The following ARL4A variants were observed in gnomAD, a reference collection of about 807,000 sequenced individuals.
The protein encoded by ARL4A is ADP-ribosylation factor-like protein 4A.
Under a neutral mutation model 13.9 loss-of-function variants are expected in ARL4A, and 5 were observed. That is an observed-to-expected ratio of 0.36 (90% CI 0.19 to 0.75). The LOEUF (loss-of-function observed/expected upper bound fraction) is 0.75. Ranked by LOEUF, ARL4A falls within the 30% of genes least tolerant of loss-of-function variation. ARL4A has a pLI of 0.53. For synonymous variants in ARL4A, 77 were observed against 84.4 expected (o/e 0.91, Z 0.48); for missense variants, 147 against 225.8 (o/e 0.65, Z 2.24).
Position 12,689,493 on chromosome 7 carries a change from C to G in ARL4A, c.*636C>G, listed in dbSNP as rs905333254. On this transcript the variant is annotated 3_prime_UTR_variant, in exon 2 of 2. Coordinates refer to ENST00000651779, the MANE Select transcript of ARL4A (RefSeq NM_005738.5). Reference sequence around the variant, plus strand: ...AAAAATAAGATATTTGGGGTATATTCAAGTGCATGGATTAGTTTTCCTGAC... The same window carrying G: ...AAAAATAAGATATTTGGGGTATATTGAAGTGCATGGATTAGTTTTCCTGAC... The G allele has an allele frequency of 1.8e-5, 3 of 167,018 alleles. No individual in the cohort carries two copies. The highest frequency in any genetic ancestry group is 7.2e-5 in the African/African-American group (3 of 41,418). 10.3% of individuals were successfully genotyped at this position (167,018 alleles called of 1,614,324 possible).
In ARL4A at chr7:12,688,652, C is replaced by A. The variant is rs760384928; in HGVS notation, c.398C>A (p.Ala133Asp). The change falls in exon 2 of 2, where the codon GCT becomes GAT. Residue 133 changes from alanine to aspartate, a missense_variant. Physicochemically the swap from Ala to Asp is moderately radical, Grantham distance 126 (BLOSUM62 -2). Transcript: ENST00000651779. This position sits in a 1 kb window ranked among gnomAD's most constrained non-coding sequence, Gnocchi z 5.2. Reference sequence around the variant, plus strand: ...CAGGGAGTCCCTGTACTTATAGTTGCTAACAAACAAGATTTGAGGAACTCA... The same window carrying A: ...CAGGGAGTCCCTGTACTTATAGTTGATAACAAACAAGATTTGAGGAACTCA... Reference protein sequence around the residue: ...ENQGVPVLIVANKQDLRNSLS... With the variant: ...ENQGVPVLIVDNKQDLRNSLS... 2 of 1,613,882 alleles carry A rather than the reference C, an allele frequency of 1.2e-6. No individual in the cohort carries two copies. The highest frequency in any genetic ancestry group is 3.3e-5 in the Admixed American group (2 of 60,008).
chr7:12,688,170 C>G lies in ARL4A; in HGVS notation c.-85C>G, dbSNP rs565661175. 1 of 1,498,228 alleles carries G rather than the reference C, an allele frequency of 6.7e-7. No homozygotes were observed. The highest frequency in any genetic ancestry group is 8.9e-7 in the Non-Finnish European group (1 of 1,119,330). The allele number at this position is 1,498,228 out of a possible 1,614,324, so 92.8% of individuals were successfully genotyped here. A position where few individuals can be genotyped will look rare whatever the true frequency, so the allele number is the denominator to read the frequency against. On this transcript the variant is annotated 5_prime_UTR_variant, in exon 2 of 2. Transcript: ENST00000651779. This position sits in a 1 kb window ranked among gnomAD's most constrained non-coding sequence, Gnocchi z 5.2. Reference sequence around the variant, plus strand: ...ATTCCTTCTTCCGTCTCCCAGCAGTCTTATAGCTGGATCAGCTACCAAGAG... The same window carrying G: ...ATTCCTTCTTCCGTCTCCCAGCAGTGTTATAGCTGGATCAGCTACCAAGAG...
chr7:12,688,060 G>C lies in ARL4A; in HGVS notation c.-89-106G>C, dbSNP rs1311877658. The C allele has an allele frequency of 4.2e-5, 30 of 711,208 alleles. No individual in the cohort carries two copies. The highest frequency in any genetic ancestry group is 8.0e-4 in the Middle Eastern group (2 of 2,490). The allele number at this position is 711,208 out of a possible 1,614,324, so 44.1% of individuals were successfully genotyped here. ...TATCTCGTCTGGTTTGTTTAGCGCA[G>C]CAAGTTATAGTAAGTTCTTCGTGTT... On this transcript the variant is annotated intron_variant, in intron 1 of 1. Transcript: ENST00000651779. This position sits in a 1 kb window ranked among gnomAD's most constrained non-coding sequence, Gnocchi z 5.2.
In ARL4A at chr7:12,688,732, A is replaced by G. The variant is rs2356696; in HGVS notation, c.478A>G (p.Thr160Ala). 1 of 1,613,776 alleles carries G rather than the reference A, an allele frequency of 6.2e-7. No homozygotes were observed. Among genetic ancestry groups the G allele is most frequent in the East Asian group, 2.2e-5 (1 of 44,886 alleles). The change falls in exon 2 of 2, where the codon ACT (threonine) becomes GCT (alanine). Residue 160 changes from threonine (T) to alanine (A), a missense_variant. Physicochemically the swap from Thr to Ala is moderately conservative, Grantham distance 58. Coordinates refer to ENST00000651779, the MANE Select transcript of ARL4A (RefSeq NM_005738.5). This position sits in a 1 kb window ranked among gnomAD's most constrained non-coding sequence, Gnocchi z 5.2. ...LLAMGELSSS[T>A]PWHLQPTCAI... ...AGCAATGGGTGAACTGAGCTCATCA[A>G]CTCCTTGGCATTTGCAGCCTACCTG...
In ARL4A at chr7:12,688,833, G is replaced by C. The variant is rs1362506238; in HGVS notation, c.579G>C (p.Leu193Phe). The C allele has an allele frequency of 3.2e-5, 51 of 1,606,430 alleles. No homozygotes were observed. Among genetic ancestry groups the C allele is most frequent in the Non-Finnish European group, 4.3e-5 (51 of 1,177,462 alleles). ...HDMIIKRRKMLRQQKKKR is the reference protein window; with the variant it reads ...HDMIIKRRKMFRQQKKKR The stretch of plus-strand genomic sequence containing the variant: ...TGATCATTAAAAGAAGAAAAATGTT[G>C]CGGCAACAGAAAAAGAAAAGATGAA... Residue 193 changes from leucine (L) to phenylalanine (F), a missense_variant, in exon 2 of 2, where the codon TTG becomes TTC. By Grantham distance (22) the Leu-to-Phe change is conservative. Coordinates refer to ENST00000651779, the MANE Select transcript of ARL4A (RefSeq NM_005738.5). The surrounding 1 kb of genome is among the most constrained non-coding windows in gnomAD (Gnocchi z 5.2).
Position 12,689,293 on chromosome 7 carries a change from A to G in ARL4A, c.*436A>G, listed in dbSNP as rs1356506025. 5.7e-6 allele frequency: 1 copy of G among 175,394 alleles called. No homozygotes were observed. The highest frequency in any genetic ancestry group is 1.4e-5 in the Non-Finnish European group (1 of 72,950). 10.9% of individuals were successfully genotyped at this position (175,394 alleles called of 1,614,324 possible). A position where few individuals can be genotyped will look rare whatever the true frequency, so the allele number is the denominator to read the frequency against. ...TGGAAATGTTAAGGTAGATTAACAT[A>G]TATGCAGTTATATTGATCACATTGG... On this transcript the variant is annotated 3_prime_UTR_variant, in exon 2 of 2. Transcript: ENST00000651779.
In ARL4A at chr7:12,690,016, A is replaced by C. The variant is rs1284011757; in HGVS notation, c.*1159A>C. The C allele has an allele frequency of 6.0e-6, 1 of 167,078 alleles. No homozygotes were observed. The highest frequency in any genetic ancestry group is 1.5e-5 in the Non-Finnish European group (1 of 68,126). 10.3% of individuals were successfully genotyped at this position (167,078 alleles called of 1,614,324 possible). On this transcript the variant is annotated 3_prime_UTR_variant, in exon 2 of 2. Coordinates refer to ENST00000651779, the MANE Select transcript of ARL4A (RefSeq NM_005738.5). ...CCAGTCCTGATTATAGAGAGGAAGAAATGGTAACAGTATGGCAGATAAGAA... is the reference window on the plus strand; with the variant it reads ...CCAGTCCTGATTATAGAGAGGAAGACATGGTAACAGTATGGCAGATAAGAA...
In ARL4A at chr7:12,688,232, G is replaced by C; in HGVS notation, c.-23G>C. ...CAAGAAGAGAAAAGCATTTCAATTT[G>C]GGACATTTATTTGCACCTGGAAATG... On this transcript the variant is annotated 5_prime_UTR_variant, in exon 2 of 2. Transcript: ENST00000651779. This position sits in a 1 kb window ranked among gnomAD's most constrained non-coding sequence, Gnocchi z 5.2. 3 of 1,536,616 alleles carry C rather than the reference G, an allele frequency of 2.0e-6. No individual in the cohort carries two copies. The highest frequency in any genetic ancestry group is 1.3e-5 in the South Asian group (1 of 77,390).
In ARL4A at chr7:12,688,329, T is replaced by G. The variant is rs1449744260; in HGVS notation, c.75T>G (p.Ile25Met). 3 of 1,613,584 alleles carry G rather than the reference T, an allele frequency of 1.9e-6. No individual in the cohort carries two copies. The highest frequency in any genetic ancestry group is 3.3e-5 in the Admixed American group (2 of 59,940). ...LPSFQSFHIV[I>M]LGLDCAGKTT... ...CATTTCAGTCTTTCCACATTGTTATTCTGGGTTTGGACTGTGCTGGAAAGA... is the reference window on the plus strand; with the variant it reads ...CATTTCAGTCTTTCCACATTGTTATGCTGGGTTTGGACTGTGCTGGAAAGA... Residue 25 changes from isoleucine (I) to methionine (M), a missense_variant, in exon 2 of 2, where the codon ATT (isoleucine) becomes ATG (methionine). Physicochemically the swap from Ile to Met is conservative, Grantham distance 10. Transcript: ENST00000651779. The surrounding 1 kb of genome is among the most constrained non-coding windows in gnomAD (Gnocchi z 5.2).
In ARL4A at chr7:12,688,146, T is replaced by C. The variant is rs1019526417; in HGVS notation, c.-89-20T>C. ...TGTATTATTTCGGGAGAATAACTTA[T>C]TCCTTCTTCCGTCTCCCAGCAGTCT... On this transcript the variant is annotated intron_variant, in intron 1 of 1. Coordinates refer to ENST00000651779, the MANE Select transcript of ARL4A (RefSeq NM_005738.5). This position sits in a 1 kb window ranked among gnomAD's most constrained non-coding sequence, Gnocchi z 5.2. 12 of 1,442,886 alleles carry C rather than the reference T, an allele frequency of 8.3e-6. No homozygotes were observed. In the East Asian group the frequency reaches 2.8e-4, roughly 33 times the overall value. 89.4% of individuals were successfully genotyped at this position (1,442,886 alleles called of 1,614,324 possible). A position where few individuals can be genotyped will look rare whatever the true frequency, so the allele number is the denominator to read the frequency against.
Position 12,690,900 on chromosome 7 carries a change from A to T in ARL4A, c.*2043A>T, listed in dbSNP as rs1420532429. ...TATTTCATGGACAACAAAAGAGAAA[A>T]TGGTATGAACACTGTACAAACTTTG... On this transcript the variant is annotated 3_prime_UTR_variant, in exon 2 of 2. Transcript: ENST00000651779. 6.0e-6 allele frequency: 1 copy of T among 166,546 alleles called. No individual in the cohort carries two copies. The highest frequency in any genetic ancestry group is 1.5e-5 in the Non-Finnish European group (1 of 68,124). 10.3% of individuals were successfully genotyped at this position (166,546 alleles called of 1,614,324 possible).
rs1332409217 is a variant in ARL4A, at chr7:12,688,456, A to G, written c.202A>G (p.Thr68Ala). The change falls in exon 2 of 2, where the codon ACA becomes GCA. Residue 68 changes from threonine (T) to alanine (A), a missense_variant. Physicochemically the swap from Thr to Ala is moderately conservative, Grantham distance 58. Transcript: ENST00000651779. This position sits in a 1 kb window ranked among gnomAD's most constrained non-coding sequence, Gnocchi z 5.2. ...TAAGGTAACCTTGGGAAATTCTAAA[A>G]CAGTCACTTTTCACTTCTGGGATGT... Reference protein sequence around the residue: ...KIKVTLGNSKTVTFHFWDVGG... With the variant: ...KIKVTLGNSKAVTFHFWDVGG... The G allele has an allele frequency of 5.0e-6, 8 of 1,612,846 alleles. No homozygotes were observed. Among genetic ancestry groups the G allele is most frequent in the South Asian group, 2.2e-5 (2 of 91,028 alleles).
Position 12,689,615 on chromosome 7 carries a change from T to C in ARL4A, c.*758T>C, listed in dbSNP as rs1784585699. 1 of 166,230 alleles carries C rather than the reference T, an allele frequency of 6.0e-6. No homozygotes were observed. The highest frequency in any genetic ancestry group is 2.4e-5 in the African/African-American group (1 of 41,456). The allele number at this position is 166,230 out of a possible 1,614,324, so 10.3% of individuals were successfully genotyped here. A position where few individuals can be genotyped will look rare whatever the true frequency, so the allele number is the denominator to read the frequency against. On this transcript the variant is annotated 3_prime_UTR_variant, in exon 2 of 2. Transcript: ENST00000651779. ...CTTTTTTGGGGATTTAGGGCTATTA[T>C]AGGAATAGTTTGTTGTCAGAAGCAC...
At position 12,688,419 on chromosome 7, in the gene ARL4A, C is replaced by T; in HGVS notation, c.165C>T (p.Asn55=). The T allele has an allele frequency of 6.2e-7, 1 of 1,613,772 alleles. No homozygotes were observed. The highest frequency in any genetic ancestry group is 1.3e-5 in the African/African-American group (1 of 75,026). ...ATACCGTACCTACCAAAGGATTTAA[C>T]ACTGAGAAAATTAAGGTAACCTTGG... ...FVNTVPTKGF[N]TEKIKVTLGN... is the part of the protein sequence containing the mutation. Residue 55 remains asparagine (N), a synonymous_variant, in exon 2 of 2, where the codon AAC becomes AAT. Transcript: ENST00000651779. The surrounding 1 kb of genome is among the most constrained non-coding windows in gnomAD (Gnocchi z 5.2).
chr7:12,689,487 T>C lies in ARL4A; in HGVS notation c.*630T>C, dbSNP rs2115333124. On this transcript the variant is annotated 3_prime_UTR_variant, in exon 2 of 2. Transcript: ENST00000651779. The stretch of plus-strand genomic sequence containing the variant: ...TTTATTAAAAATAAGATATTTGGGG[T>C]ATATTCAAGTGCATGGATTAGTTTT... 1 of 167,298 alleles carries C rather than the reference T, an allele frequency of 6.0e-6. No individual in the cohort carries two copies. The highest frequency in any genetic ancestry group is 2.1e-4 in the South Asian group (1 of 4,828). 10.4% of individuals were successfully genotyped at this position (167,298 alleles called of 1,614,324 possible). A position where few individuals can be genotyped will look rare whatever the true frequency, so the allele number is the denominator to read the frequency against.
rs1337250935 is a variant in ARL4A, at chr7:12,688,593, T to C, written c.339T>C (p.Thr113=). The C allele has an allele frequency of 1.2e-6, 2 of 1,612,358 alleles. No homozygotes were observed. Among genetic ancestry groups the C allele is most frequent in the African/African-American group, 1.3e-5 (1 of 74,888 alleles). ...TCGAAAGGATGGAAGAAGCCAAAAC[T>C]GAACTTCACAAAATAACTAGGATAT... ...VDVERMEEAK[T]ELHKITRISE... is the part of the protein sequence containing the mutation. The change falls in exon 2 of 2, where the codon ACT becomes ACC. Residue 113 remains threonine, a synonymous_variant. Coordinates refer to ENST00000651779, the MANE Select transcript of ARL4A (RefSeq NM_005738.5). This position sits in a 1 kb window ranked among gnomAD's most constrained non-coding sequence, Gnocchi z 5.2.
In ARL4A at chr7:12,688,755, C is replaced by T. The variant is rs371070380; in HGVS notation, c.501C>T (p.Thr167=). 6.2e-7 allele frequency: 1 copy of T among 1,613,944 alleles called. No homozygotes were observed. The highest frequency in any genetic ancestry group is 8.5e-7 in the Non-Finnish European group (1 of 1,179,858). ...CAACTCCTTGGCATTTGCAGCCTACCTGTGCAATCATAGGAGATGGCCTAA... is the reference window on the plus strand; with the variant it reads ...CAACTCCTTGGCATTTGCAGCCTACTTGTGCAATCATAGGAGATGGCCTAA... ...SSSTPWHLQP[T]CAIIGDGLKE... Residue 167 remains threonine (T), a synonymous_variant, in exon 2 of 2, where the codon ACC becomes ACT. Coordinates refer to ENST00000651779, the MANE Select transcript of ARL4A (RefSeq NM_005738.5). This position sits in a 1 kb window ranked among gnomAD's most constrained non-coding sequence, Gnocchi z 5.2.
rs71536895 is a variant in ARL4A at position 12,687,754 on chromosome 7, G to A, written c.-90+26G>A. 0.036 allele frequency: 5,519 copies of A among 154,226 alleles called. 155 individuals are homozygous for A. Among genetic ancestry groups the A allele is most frequent in the Non-Finnish European group, 0.058 (3,998 of 69,146 alleles). 9.6% of individuals were successfully genotyped at this position (154,226 alleles called of 1,614,324 possible). ...GTGAGAACGTTGTTATTTTGCAAGG[G>A]GTAGGAGGTAATAGTGATCTTGGGT... On this transcript the variant is annotated intron_variant, in intron 1 of 1. Coordinates refer to ENST00000651779, the MANE Select transcript of ARL4A (RefSeq NM_005738.5). This position sits in a 1 kb window ranked among gnomAD's most constrained non-coding sequence, Gnocchi z 5.6.
At position 12,688,778 on chromosome 7, in the gene ARL4A, T is replaced by C; in HGVS notation, c.524T>C (p.Leu175Pro). Residue 175 changes from leucine (L) to proline (P), a missense_variant, in exon 2 of 2, where the codon CTA becomes CCA. By Grantham distance (98) the Leu-to-Pro change is moderately conservative (BLOSUM62 -3). Transcript: ENST00000651779. The surrounding 1 kb of genome is among the most constrained non-coding windows in gnomAD (Gnocchi z 5.2). ...ACCTGTGCAATCATAGGAGATGGCCTAAAGGAAGGACTTGAGAAACTACAT... is the reference window on the plus strand; with the variant it reads ...ACCTGTGCAATCATAGGAGATGGCCCAAAGGAAGGACTTGAGAAACTACAT... ...QPTCAIIGDGLKEGLEKLHDM... is the reference protein window; with the variant it reads ...QPTCAIIGDGPKEGLEKLHDM... 6.2e-7 allele frequency: 1 copy of C among 1,613,914 alleles called. No homozygotes were observed. The highest frequency in any genetic ancestry group is 8.5e-7 in the Non-Finnish European group (1 of 1,179,834).
Sources: gnomAD v4.1 joint callset for allele counts on GRCh38, gnomAD v4.1.1 for gene constraint, Gnocchi (gnomAD v3.1) non-coding constraint, MANE v1.5 for transcripts, NCBI Gene and HGNC (gene_info 2026-07-23, HGNC 2026-07-21) for gene names.